The following MAGI2 variants were observed in gnomAD, a reference collection of about 807,000 sequenced individuals.
MAGI2 encodes membrane associated guanylate kinase, WW and PDZ domain containing 2.
Under a neutral mutation model 133.3 loss-of-function variants are expected in MAGI2, and 35 were observed. The ratio of observed to expected loss-of-function variants is 0.26; its 90% CI spans 0.20 to 0.35. The LOEUF (loss-of-function observed/expected upper bound fraction) is 0.35. Ranked by LOEUF, MAGI2 falls within the 10% of genes least tolerant of loss-of-function variation. The probability of loss-of-function intolerance (pLI) is 1.00; values close to 1 mark genes in which losing one functional copy is unlikely to be tolerated. For synonymous variants in MAGI2, 729 were observed against 710.6 expected (o/e 1.03, Z -0.41); for missense variants, 1,636 against 1,863.4 (o/e 0.88, Z 2.25).
chr7:78,340,512 A>G (rs192107084), intron 9 of MAGI2, among the ~76,000 whole-genome samples: 15 of 152,310 alleles, frequency 9.8e-5, no homozygotes, highest in Non-Finnish European at 1.8e-4. Flanking sequence ...AAAAAAGAAA[A>G]TTTCAGGCCA....
chr7:79,362,514 A>T (rs1842432227), intron 1 of MAGI2, among the ~76,000 whole-genome samples: 1 of 152,124 alleles, frequency 6.6e-6, no homozygotes. Context: ...AATTCATTTT[A>T]TATGGTAAGT....
At chr7:79,188,969 G>C (rs1827410081) in intron 1 of MAGI2, among the ~76,000 whole-genome samples, 1 of 151,616 alleles carries the variant, frequency 6.6e-6, no homozygotes, top group Non-Finnish European at 1.5e-5. Context: ...TAGTATAAAT[G>C]TCCACAATTA....
chr7:78,095,072 G>A (rs1817575740), intron 20 of MAGI2, among the ~76,000 whole-genome samples: 1 of 152,232 alleles, frequency 6.6e-6, no homozygotes, highest in South Asian at 2.1e-4. Flanking sequence ...TTTTGCTGGT[G>A]TTCTCTGTAT....
At chr7:78,121,005 A>AC (rs1190612818) in intron 20 of MAGI2, among the ~76,000 whole-genome samples, 1 of 149,768 alleles carries the variant, frequency 6.7e-6, no homozygotes, top group Non-Finnish European at 1.5e-5. Flanking sequence ...CGTCTCAAAA[A>AC]AAAAAAAAAA....
intron 6 of MAGI2, among the ~76,000 whole-genome samples, chr7:78,474,165 A>G (rs145331642): frequency 5.9e-4 from 83 of 140,070 alleles, no homozygotes; most frequent in African/African-American, 2.4e-3. Flanking sequence ...CAATGGGAAC[A>G]CTATCTTATT....
intron 2 of MAGI2, among the ~76,000 whole-genome samples, chr7:78,928,132 G>A (rs113623849): frequency 0.011 from 1,676 of 151,870 alleles, 25 homozygotes; most frequent in African/African-American, 0.039. Context: ...TATAGCATAG[G>A]ATTTTCACAT....
At chr7:79,352,983 A>G (rs1442631878) in intron 1 of MAGI2, among the ~76,000 whole-genome samples, 1 of 151,992 alleles carries the variant, frequency 6.6e-6, no homozygotes, top group Admixed American at 6.6e-5. Context: ...AACTTATTTC[A>G]TCCTCTCATC....
chr7:79,093,132 C>A (rs965548951), intron 1 of MAGI2, among the ~76,000 whole-genome samples: 1 of 150,934 alleles, frequency 6.6e-6, no homozygotes, highest in Admixed American at 6.6e-5. Flanking sequence ...ATGGCTTATT[C>A]TGGAATTGAC....
intron 21 of MAGI2, among the ~76,000 whole-genome samples, chr7:78,077,500 C>A (rs376382933): frequency 1.3e-4 from 19 of 149,152 alleles, no homozygotes; most frequent in African/African-American, 4.2e-4. Context: ...GCCAGCCCTG[C>A]AGAAACTTCT....
intron 5 of MAGI2, among the ~76,000 whole-genome samples, chr7:78,499,934 A>G (rs543505231): frequency 2.0e-5 from 3 of 152,220 alleles, no homozygotes; most frequent in Non-Finnish European, 2.9e-5. Flanking sequence ...TATTTTTAAT[A>G]GGTCACTTTT....
chr7:79,250,490 T>C (rs943997744), intron 1 of MAGI2, among the ~76,000 whole-genome samples: 4 of 152,106 alleles, frequency 2.6e-5, no homozygotes, highest in African/African-American at 9.6e-5. Context: ...AAATTAATCC[T>C]ATTTACAATA....
chr7:78,952,756 T>A (rs2151704580), intron 2 of MAGI2, among the ~76,000 whole-genome samples: 1 of 152,330 alleles, frequency 6.6e-6, no homozygotes, highest in African/African-American at 2.4e-5. Flanking sequence ...AAGCTAAAAC[T>A]ATTTTAATGT....
chr7:79,073,003 T>C (rs1815128449), intron 1 of MAGI2, among the ~76,000 whole-genome samples: 1 of 151,994 alleles, frequency 6.6e-6, no homozygotes, highest in Non-Finnish European at 1.5e-5. Context: ...AGATTTCTTT[T>C]CTGTAGGAGA....
At chr7:79,041,627 T>C (rs2116910177) in intron 1 of MAGI2, among the ~76,000 whole-genome samples, 1 of 152,164 alleles carries the variant, frequency 6.6e-6, no homozygotes, top group African/African-American at 2.4e-5. Flanking sequence ...CTTTTAAATA[T>C]GAGGGCATGC....
intron 2 of MAGI2, among the ~76,000 whole-genome samples, chr7:78,714,352 A>G (rs1017914043): frequency 6.6e-6 from 1 of 152,154 alleles, no homozygotes; most frequent in Non-Finnish European, 1.5e-5. Flanking sequence ...TTTCTTTACT[A>G]AAGTCACAGC....
intron 2 of MAGI2, chr7:79,006,858 T>A (rs1447022816): frequency 7.5e-6 from 3 of 400,996 alleles, no homozygotes; most frequent in Non-Finnish European, 1.3e-5. Flanking sequence ...AAATGTAAGT[T>A]AGATTTTATA....
At chr7:78,152,892 C>A (rs1442511088) in intron 16 of MAGI2, among the ~76,000 whole-genome samples, 2 of 152,082 alleles carry the variant, frequency 1.3e-5, no homozygotes, top group Non-Finnish European at 2.9e-5. Context: ...TTGAAGGAAT[C>A]CAAAGCAGGG....
intron 2 of MAGI2, among the ~76,000 whole-genome samples, chr7:78,747,782 T>C (rs1823067927): frequency 1.3e-5 from 2 of 152,156 alleles, no homozygotes; most frequent in South Asian, 4.1e-4. Context: ...CATGAATATG[T>C]GTCCCTGGGA....
chr7:78,118,383 G>C (rs1238481090), intron 20 of MAGI2, among the ~76,000 whole-genome samples: 1 of 152,092 alleles, frequency 6.6e-6, no homozygotes, highest in Non-Finnish European at 1.5e-5. Context: ...TTTCTGCTCT[G>C]CAAAAGACAC....
Sources: allele counts gnomAD v4.1 joint callset (sites outside exome capture counted in the v4.1 genomes callset), GRCh38; gene constraint gnomAD v4.1.1; transcripts MANE v1.5; gene names NCBI Gene and HGNC (gene_info 2026-07-23, HGNC 2026-07-21).